PTPN11: variants seen among roughly 807,000 people sequenced by gnomAD.
The protein encoded by PTPN11 is protein tyrosine phosphatase non-receptor type 11, also known as tyrosine-protein phosphatase non-receptor type 11.
In PTPN11, 6 loss-of-function variants were observed where a neutral mutation model predicts 78.8. That is an observed-to-expected ratio of 0.08 (90% CI 0.04 to 0.15). The LOEUF (loss-of-function observed/expected upper bound fraction) is 0.15. Ranked by LOEUF, PTPN11 falls within the 10% of genes least tolerant of loss-of-function variation. PTPN11 has a pLI of 1.00. For missense variants in PTPN11, 386 were observed against 744.8 expected, an observed-to-expected ratio of 0.52 and a Z score of 5.61; for synonymous variants, 221 against 263.5, an observed-to-expected ratio of 0.84 and a Z score of 1.56.
intron 1 of PTPN11, among the ~76,000 whole-genome samples, chr12:112,431,064 C>T (rs987934893): frequency 1.3e-5 from 2 of 152,202 alleles, no homozygotes; most frequent in African/African-American, 2.4e-5. Flanking sequence ...CTGCCTCTTC[C>T]TCTTGAGTAC....
chr12:112,439,293 CT>C (rs2037844615), intron 1 of PTPN11, among the ~76,000 whole-genome samples: 1 of 151,804 alleles, frequency 6.6e-6, no homozygotes, highest in Non-Finnish European at 1.5e-5. Flanking sequence ...AAAATTTATT[CT>C]TATTTTATTA....
intron 6 of PTPN11, among the ~76,000 whole-genome samples, chr12:112,468,582 G>A (rs1415839190): frequency 6.6e-6 from 1 of 152,192 alleles, no homozygotes; most frequent in Non-Finnish European, 1.5e-5. Context: ...GGGGAGAGAT[G>A]TGCTGTTAGC....
chr12:112,480,126 G>A (rs1299812966), intron 9 of PTPN11, among the ~76,000 whole-genome samples: 2 of 152,158 alleles, frequency 1.3e-5, no homozygotes, highest in African/African-American at 2.4e-5. Flanking sequence ...TTTAAAGTTA[G>A]CTAAAATGTT....
intron 1 of PTPN11, among the ~76,000 whole-genome samples, chr12:112,436,709 CTTT>C (rs769027606): frequency 1.5e-5 from 2 of 135,772 alleles, no homozygotes; most frequent in African/African-American, 2.7e-5. Flanking sequence ...GAAATGAAGG[CTTT>C]TTTTTTTTTT....
At chr12:112,435,268 C>A (rs1257772636) in intron 1 of PTPN11, among the ~76,000 whole-genome samples, 1 of 152,208 alleles carries the variant, frequency 6.6e-6, no homozygotes, top group African/African-American at 2.4e-5. Flanking sequence ...AATCCTCCCA[C>A]CTCAGCCTCC....
intron 13 of PTPN11, among the ~76,000 whole-genome samples, chr12:112,492,643 A>C (rs886361019): frequency 1.3e-5 from 2 of 151,180 alleles, no homozygotes; most frequent in Non-Finnish European, 3.0e-5. Context: ...TCAGCCTCCC[A>C]AGTAGTTGGG....
chr12:112,474,831 A>G (rs1242191732), intron 7 of PTPN11, among the ~76,000 whole-genome samples: 2 of 151,958 alleles, frequency 1.3e-5, no homozygotes, highest in Non-Finnish European at 2.9e-5. Context: ...GGGTTTCGTC[A>G]TGTTGCCTAG....
intron 9 of PTPN11, 147 bp downstream of exon 9, chr12:112,478,162 T>C: frequency 1.1e-6 from 1 of 932,774 alleles, no homozygotes. Flanking sequence ...TTGATTATGT[T>C]ATTCCTTGGT....
intron 3 of PTPN11, among the ~76,000 whole-genome samples, chr12:112,452,560 C>G (rs780194111): frequency 6.6e-6 from 1 of 151,190 alleles, no homozygotes; most frequent in Non-Finnish European, 1.5e-5. Context: ...CAGGGTCTTG[C>G]TCTGTCACCC....
In PTPN11 at chr12:112,504,299, G is replaced by C. The variant is rs544850063; in HGVS notation, c.1713-396G>C. 1.2e-4 allele frequency among the ~76,000 whole-genome samples: 19 copies of C among 152,294 alleles called. No homozygotes were observed. The highest frequency in any genetic ancestry group is 1.5e-4 in the Non-Finnish European group (10 of 68,032). The stretch of plus-strand genomic sequence containing the variant: ...CAACCTCCATCTCCCGAGTTCAAGA[G>C]ATTCTTCTGCCTCAGCCTCTCAAGC... On this transcript the variant is annotated intron_variant, in intron 14 of 15. Transcript: ENST00000351677. The surrounding 1 kb of genome is among the most constrained non-coding windows in gnomAD (Gnocchi z 4.7).
chr12:112,439,466 G>GTAT (rs1260329861), intron 1 of PTPN11, among the ~76,000 whole-genome samples: 84 of 150,844 alleles, frequency 5.6e-4, no homozygotes, highest in Admixed American at 5.2e-3. Context: ...GCTAATTTTT[G>GTAT]TATTATTATT....
chr12:112,439,803 A>G (rs953978637), intron 1 of PTPN11, among the ~76,000 whole-genome samples: 2 of 140,534 alleles, frequency 1.4e-5, no homozygotes, highest in Admixed American at 7.0e-5. Flanking sequence ...AAACAAAAAC[A>G]AAAAAAAAAA....
intron 13 of PTPN11, among the ~76,000 whole-genome samples, chr12:112,492,719 G>C (rs548237209): frequency 6.6e-6 from 1 of 151,940 alleles, no homozygotes; most frequent in Non-Finnish European, 1.5e-5. Flanking sequence ...GGGTCTCACC[G>C]TGTTAGCCAG....
rs201957261 is a variant in PTPN11 at position 112,504,777 on chromosome 12, A to G, written c.*13A>G. ...AAGTTTCAGATGAGAAAACCTGCCA[A>G]AACTTCAGCACAGAAATAGGTATTT... On this transcript the variant is annotated 3_prime_UTR_variant, in exon 15 of 16. Coordinates refer to ENST00000351677, the MANE Select transcript of PTPN11 (RefSeq NM_002834.5). This position sits in a 1 kb window ranked among gnomAD's most constrained non-coding sequence, Gnocchi z 4.7. 4.5e-4 allele frequency: 692 copies of G among 1,549,058 alleles called. No individual in the cohort carries two copies. The highest frequency in any genetic ancestry group is 5.7e-4 in the Non-Finnish European group (634 of 1,121,018).
At chr12:112,461,372 T>G (rs1346294791) in intron 6 of PTPN11, among the ~76,000 whole-genome samples, 2 of 151,686 alleles carry the variant, frequency 1.3e-5, no homozygotes, top group African/African-American at 4.8e-5. Flanking sequence ...CTCACTGTGT[T>G]GCTCAGGCTG....
intron 1 of PTPN11, among the ~76,000 whole-genome samples, chr12:112,426,391 G>A (rs1449621669): frequency 6.6e-6 from 1 of 152,046 alleles, no homozygotes; most frequent in East Asian, 1.9e-4. Flanking sequence ...TGAGTAGCTG[G>A]GATTACAGGC....
rs755344428 is a variant in PTPN11, at chr12:112,482,238, G to A, written c.1224+33G>A. 1.4e-5 allele frequency: 22 copies of A among 1,605,554 alleles called. No homozygotes were observed. The highest frequency in any genetic ancestry group is 1.9e-5 in the Non-Finnish European group (22 of 1,173,596). On this transcript the variant is annotated intron_variant, in intron 10 of 15. Coordinates refer to ENST00000351677, the MANE Select transcript of PTPN11 (RefSeq NM_002834.5). The surrounding 1 kb of genome is among the most constrained non-coding windows in gnomAD (Gnocchi z 4.4). Reference sequence around the variant, plus strand: ...TATTGTCGTATTCTAGAGACTTTGGGAACTGTTGATGGTGTGTAGGAATTC... The same window carrying A: ...TATTGTCGTATTCTAGAGACTTTGGAAACTGTTGATGGTGTGTAGGAATTC...
intron 13 of PTPN11, among the ~76,000 whole-genome samples, chr12:112,499,415 C>T (rs571744222): frequency 1.6e-4 from 24 of 152,186 alleles, no homozygotes; most frequent in African/African-American, 4.8e-4. Context: ...TCTTGGCTCA[C>T]TGCGACCTCT....
At chr12:112,486,396 A>G in intron 10 of PTPN11, 79 bp from the exon 11 acceptor site, 1 of 1,410,652 alleles carries the variant, frequency 7.1e-7, no homozygotes, top group Non-Finnish European at 1.0e-6. Context: ...CATTGGATTT[A>G]GGAAAGCTTA....
Sources: gnomAD v4.1 joint callset for allele counts (sites outside exome capture counted in the v4.1 genomes callset) on GRCh38, gnomAD v4.1.1 for gene constraint, Gnocchi (gnomAD v3.1) non-coding constraint, MANE v1.5 for transcripts, NCBI Gene and HGNC (gene_info 2026-07-23, HGNC 2026-07-21) for gene names.